HRH1: variants seen among roughly 807,000 people sequenced by gnomAD.
HRH1 encodes the protein histamine H1 receptor.
A neutral mutation model predicts 10.3 loss-of-function variants in HRH1; 6 were observed. That is an observed-to-expected ratio of 0.58 (90% CI 0.32 to 1.15). HRH1 has a LOEUF of 1.15. Among genes scored for constraint, HRH1 ranks in the 50% most tolerant of loss-of-function variants. HRH1 has a pLI of 0.05. For missense variants in HRH1, 514 were observed against 615.3 expected (o/e 0.84, Z 1.74); for synonymous variants, 242 against 236.7 (o/e 1.02, Z -0.21).
At chr3:11,231,948 G>A (rs1334257126) in intron 1 of HRH1, among the ~76,000 whole-genome samples, 1 of 149,910 alleles carries the variant, frequency 6.7e-6, no homozygotes, top group African/African-American at 2.5e-5. Flanking sequence ...TACAAGTTTT[G>A]TAGTTTACAT....
chr3:11,250,733 T>C (rs1182390218), intron 1 of HRH1, among the ~76,000 whole-genome samples: 1 of 151,818 alleles, frequency 6.6e-6, no homozygotes, highest in African/African-American at 2.4e-5. Flanking sequence ...CATAAGGGGG[T>C]AGACCTATGT....
At chr3:11,247,926 G>A (rs1575041298) in intron 1 of HRH1, among the ~76,000 whole-genome samples, 2 of 152,146 alleles carry the variant, frequency 1.3e-5, no homozygotes, top group Admixed American at 6.5e-5. Flanking sequence ...CACCTATAAC[G>A]ATTATAAGGG....
At chr3:11,188,086 C>A (rs577373775) in intron 1 of HRH1, among the ~76,000 whole-genome samples, 22 of 152,208 alleles carry the variant, frequency 1.4e-4, no homozygotes, top group African/African-American at 5.1e-4. Flanking sequence ...AAAATAGCCA[C>A]CTTCATTAAT....
At chr3:11,194,157 A>G (rs1236497802) in intron 1 of HRH1, among the ~76,000 whole-genome samples, 3 of 152,204 alleles carry the variant, frequency 2.0e-5, no homozygotes, top group African/African-American at 4.8e-5. Flanking sequence ...AGATGCTTGT[A>G]TGAAGGACAC....
At chr3:11,251,894 G>T (rs1939662539) in intron 1 of HRH1, among the ~76,000 whole-genome samples, 1 of 152,212 alleles carries the variant, frequency 6.6e-6, no homozygotes, top group African/African-American at 2.4e-5. Context: ...CAGATTGAAT[G>T]CATTTGGACC....
intron 1 of HRH1, among the ~76,000 whole-genome samples, chr3:11,161,108 C>T (rs539770001): frequency 1.1e-3 from 167 of 152,250 alleles, no homozygotes; most frequent in Non-Finnish European, 1.8e-3. Context: ...CATTCTCCTC[C>T]TGCCCTGCCT....
chr3:11,173,007 G>A (rs184589089), intron 1 of HRH1, among the ~76,000 whole-genome samples: 10 of 152,186 alleles, frequency 6.6e-5, no homozygotes, highest in Non-Finnish European at 1.3e-4. Context: ...AGCTTTTGGC[G>A]AACCTTCTAG....
At chr3:11,185,924 G>A (rs541588706) in intron 1 of HRH1, among the ~76,000 whole-genome samples, 2 of 152,232 alleles carry the variant, frequency 1.3e-5, no homozygotes, top group East Asian at 1.9e-4. Context: ...GCAGTTCCAC[G>A]TATGAGTATG....
chr3:11,196,914 C>A (rs1175111545), intron 1 of HRH1, among the ~76,000 whole-genome samples: 2 of 146,606 alleles, frequency 1.4e-5, no homozygotes, highest in Non-Finnish European at 3.0e-5. Context: ...TCGAGACCAT[C>A]CTGGCTAACA....
chr3:11,257,252 T>TAAA (rs756942955), intron 1 of HRH1, among the ~76,000 whole-genome samples: 3 of 80,160 alleles, frequency 3.7e-5, no homozygotes. Context: ...GACTCTGTCC[T>TAAA]AAAAAAAAAA....
chr3:11,259,797 G>A lies in HRH1; in HGVS notation c.760G>A (p.Glu254Lys). The A allele has an allele frequency of 6.2e-7, 1 of 1,613,920 alleles. No homozygotes were observed. Among genetic ancestry groups the A allele is most frequent in the Non-Finnish European group, 8.5e-7 (1 of 1,179,930 alleles). Residue 254 changes from glutamate (E) to lysine (K), a missense_variant, in exon 2 of 2, where the codon GAG (glutamate) becomes AAG (lysine). Physicochemically the swap from Glu to Lys is moderately conservative, Grantham distance 56 (BLOSUM62 1). Coordinates refer to ENST00000431010, the MANE Select transcript of HRH1 (RefSeq NM_001098212.2). This position sits in a 1 kb window ranked among gnomAD's most constrained non-coding sequence, Gnocchi z 4.6. ...PKGDAKKPGK[E>K]SPWEVLKRKP... ...GGGGGATGCCAAGAAACCAGGGAAGGAGTCTCCCTGGGAGGTTCTGAAAAG... is the reference window on the plus strand; with the variant it reads ...GGGGGATGCCAAGAAACCAGGGAAGAAGTCTCCCTGGGAGGTTCTGAAAAG...
intron 1 of HRH1, among the ~76,000 whole-genome samples, chr3:11,253,963 G>A (rs1479978986): frequency 6.6e-6 from 1 of 152,112 alleles, no homozygotes; most frequent in Non-Finnish European, 1.5e-5. Flanking sequence ...GCTGCTTGGG[G>A]GAGAGGAAGG....
chr3:11,179,158 C>G (rs1271966729), intron 1 of HRH1, among the ~76,000 whole-genome samples: 2 of 151,072 alleles, frequency 1.3e-5, no homozygotes, highest in African/African-American at 2.4e-5. Flanking sequence ...CGTGGTGGCG[C>G]ACGCCTATAA....
chr3:11,146,590 G>A lies in HRH1; in HGVS notation c.-36+9191G>A, dbSNP rs149876371. ...GAGCATCCACAAGGGATGGGGGTAG[G>A]GTACAGGTCCCTGAGGTAGGAGGCA... On this transcript the variant is annotated intron_variant, in intron 1 of 1. Transcript: ENST00000438284. Among the ~76,000 whole-genome samples the A allele has an allele frequency of 1.1e-4, 17 of 152,280 alleles. 1 individual carries two copies. The East Asian group carries it at 3.1e-3, about 28-fold the overall frequency.
intron 1 of HRH1, among the ~76,000 whole-genome samples, chr3:11,195,840 C>T (rs147236251): frequency 1.8e-4 from 28 of 152,346 alleles, no homozygotes; most frequent in Non-Finnish European, 3.1e-4. Flanking sequence ...ACCCCAAACA[C>T]GCTGTCTCTC....
intron 1 of HRH1, among the ~76,000 whole-genome samples, chr3:11,148,721 C>T (rs547657966): frequency 3.8e-4 from 57 of 151,766 alleles, no homozygotes; most frequent in Non-Finnish European, 7.2e-4. Context: ...AATTTGGTCA[C>T]GTGGCTGCAC....
At chr3:11,224,439 T>G (rs1211991177) in intron 1 of HRH1, among the ~76,000 whole-genome samples, 1 of 152,220 alleles carries the variant, frequency 6.6e-6, no homozygotes, top group Non-Finnish European at 1.5e-5. Context: ...GGCTCACGCC[T>G]GTAATCCCAG....
chr3:11,259,054 C>A lies in HRH1; in HGVS notation c.17C>A (p.Ser6Tyr). MSLPNSSCLLEDKMCE... is the reference protein window; with the variant it reads MSLPNYSCLLEDKMCE... ...CTTGCGCCAATGAGCCTCCCCAATTCCTCCTGCCTCTTAGAAGACAAGATG... is the reference window on the plus strand; with the variant it reads ...CTTGCGCCAATGAGCCTCCCCAATTACTCCTGCCTCTTAGAAGACAAGATG... The change falls in exon 2 of 2, where the codon TCC becomes TAC. Residue 6 changes from serine (S) to tyrosine (Y), a missense_variant. Ser to Tyr is a moderately radical substitution (Grantham distance 144, BLOSUM62 -2). Coordinates refer to ENST00000431010, the MANE Select transcript of HRH1 (RefSeq NM_001098212.2). This position sits in a 1 kb window ranked among gnomAD's most constrained non-coding sequence, Gnocchi z 4.6. The A allele has an allele frequency of 6.2e-7, 1 of 1,601,304 alleles. No homozygotes were observed. Among genetic ancestry groups the A allele is most frequent in the Non-Finnish European group, 8.5e-7 (1 of 1,173,514 alleles).
intron 1 of HRH1, among the ~76,000 whole-genome samples, chr3:11,236,657 A>G (rs1262113109): frequency 1.3e-5 from 2 of 152,248 alleles, no homozygotes; most frequent in African/African-American, 2.4e-5. Flanking sequence ...TGATTATCAG[A>G]ATAGAACTAG....
Sources: allele counts gnomAD v4.1 joint callset (sites outside exome capture counted in the v4.1 genomes callset), GRCh38; gene constraint gnomAD v4.1.1; non-coding constraint Gnocchi (gnomAD v3.1); transcripts MANE v1.5; gene names NCBI Gene and HGNC (gene_info 2026-07-23, HGNC 2026-07-21).